MBOAT2: variants seen among roughly 807,000 people sequenced by gnomAD.
The protein encoded by MBOAT2 is membrane bound glycerophospholipid O-acyltransferase 2.
In MBOAT2, 28 loss-of-function variants were observed where a neutral mutation model predicts 63.4. The ratio of observed to expected loss-of-function variants is 0.44; its 90% CI spans 0.33 to 0.61. The LOEUF (loss-of-function observed/expected upper bound fraction) is 0.61, where lower values mean the gene tolerates loss of function less well. Among genes scored for constraint, MBOAT2 ranks in the 20% least tolerant of loss-of-function variants. The pLI, the probability that MBOAT2 is intolerant of heterozygous loss-of-function variation, is 0.03. For synonymous variants in MBOAT2, 211 were observed against 215.6 expected (o/e 0.98, Z 0.19); for missense variants, 470 against 605.8 (o/e 0.78, Z 2.35).
At chr2:8,986,535 G>T (rs1338656473) in intron 1 of MBOAT2, among the ~76,000 whole-genome samples, 1 of 151,940 alleles carries the variant, frequency 6.6e-6, no homozygotes, top group Non-Finnish European at 1.5e-5. Flanking sequence ...TGCACTCTAG[G>T]CTGGGGGAGA....
intron 1 of MBOAT2, among the ~76,000 whole-genome samples, chr2:8,989,600 C>T (rs1287923630): frequency 6.6e-6 from 1 of 152,110 alleles, no homozygotes; most frequent in Non-Finnish European, 1.5e-5. Flanking sequence ...GCCTAATGTA[C>T]AAATATGCAG....
chr2:8,877,340 T>C (rs1357314284), intron 6 of MBOAT2, 127 bp from the exon 7 acceptor site: 11 of 871,402 alleles, frequency 1.3e-5, no homozygotes, highest in African/African-American at 1.7e-5. Flanking sequence ...TTTGTACCCA[T>C]ACAATAAGAA....
rs574598266 is a variant in MBOAT2, at chr2:8,853,209, G to A, written c.*5470C>T. 89 of 152,104 alleles carry A rather than the reference G, an allele frequency of 5.9e-4. No individual in the cohort carries two copies. Among genetic ancestry groups the A allele is most frequent in the African/African-American group, 2.0e-3 (84 of 41,486 alleles). The allele number at this position is 152,104 out of a possible 1,614,324, so 9.4% of individuals were successfully genotyped here. A position where few individuals can be genotyped will look rare whatever the true frequency, so the allele number is the denominator to read the frequency against. On this transcript the variant is annotated 3_prime_UTR_variant, in exon 13 of 13. Transcript: ENST00000305997. ...ACTTTCATTCCTATGGCCTTCTATC[G>A]TGCCCCTTCTGGTTCAGAGGAGCAG...
intron 2 of MBOAT2, among the ~76,000 whole-genome samples, chr2:8,957,634 C>T (rs1178996791): frequency 6.6e-6 from 1 of 152,196 alleles, no homozygotes; most frequent in African/African-American, 2.4e-5. Flanking sequence ...CAAGTGAGTG[C>T]ATTTTCAACC....
intron 3 of MBOAT2, among the ~76,000 whole-genome samples, chr2:8,940,684 A>G (rs77581341): frequency 2.2e-5 from 3 of 133,342 alleles, no homozygotes; most frequent in South Asian, 2.7e-4. Context: ...GTGTGTATAC[A>G]TGTGTGTGTG....
intron 8 of MBOAT2, among the ~76,000 whole-genome samples, chr2:8,868,791 G>A (rs1662093423): frequency 6.6e-6 from 1 of 152,096 alleles, no homozygotes; most frequent in Admixed American, 6.5e-5. Context: ...AAAAGCTGCT[G>A]AGGACCAATA....
rs185812879 is a variant in MBOAT2 at position 8,951,587 on chromosome 2, C to A, written c.221+6910G>T. On this transcript the variant is annotated intron_variant, in intron 2 of 12. Transcript: ENST00000305997. ...CTTTTTTTGTGGTTGGTAGGTTTTT[C>A]ATTACAGGTTCGATTTTAGAACTCA... Among the ~76,000 whole-genome samples, 26 of 152,258 alleles carry A rather than the reference C, an allele frequency of 1.7e-4. 1 individual carries two copies. The East Asian group carries it at 4.6e-3, about 27-fold the overall frequency.
intron 3 of MBOAT2, among the ~76,000 whole-genome samples, chr2:8,932,374 T>C (rs941159551): frequency 4.6e-5 from 7 of 152,292 alleles, no homozygotes; most frequent in African/African-American, 1.7e-4. Flanking sequence ...TAAAATATTT[T>C]TAAAGACTCC....
intron 2 of MBOAT2, among the ~76,000 whole-genome samples, chr2:8,951,537 A>G (rs966080860): frequency 2.0e-5 from 3 of 152,140 alleles, no homozygotes; most frequent in African/African-American, 7.2e-5. Flanking sequence ...AATAGAAATC[A>G]GCTGTGAATC....
intron 3 of MBOAT2, among the ~76,000 whole-genome samples, chr2:8,925,428 T>G (rs1316242352): frequency 6.6e-6 from 1 of 152,214 alleles, no homozygotes; most frequent in African/African-American, 2.4e-5. Flanking sequence ...GTTCTTTACA[T>G]CCCATATTTT....
intron 6 of MBOAT2, among the ~76,000 whole-genome samples, chr2:8,878,410 C>T (rs1394665817): frequency 6.6e-6 from 1 of 152,198 alleles, no homozygotes; most frequent in East Asian, 1.9e-4. Context: ...AGCAGGCAGG[C>T]TTCTTGAACA....
chr2:8,945,134 G>C (rs756893627), intron 2 of MBOAT2, among the ~76,000 whole-genome samples: 10 of 152,136 alleles, frequency 6.6e-5, no homozygotes, highest in Non-Finnish European at 1.5e-4. Context: ...TCGCCATTCA[G>C]GTGATATGTT....
intron 12 of MBOAT2, 110 bp downstream of exon 12, chr2:8,860,503 C>G: frequency 9.2e-7 from 1 of 1,091,238 alleles, no homozygotes; most frequent in Non-Finnish European, 1.4e-6. Flanking sequence ...ATGCATTTAT[C>G]AGCAGGAAAT....
chr2:8,917,620 G>A (rs754395491), intron 3 of MBOAT2, among the ~76,000 whole-genome samples: 3 of 152,186 alleles, frequency 2.0e-5, no homozygotes, highest in Admixed American at 6.5e-5. Flanking sequence ...ACTGGCGCTC[G>A]CATACACTGC....
intron 12 of MBOAT2, 84 bp downstream of exon 12, chr2:8,860,529 T>C (rs1001146223): frequency 7.2e-6 from 10 of 1,385,082 alleles, no homozygotes; most frequent in Admixed American, 4.2e-5. Flanking sequence ...TATGGTACTG[T>C]TTTTCTATTC....
chr2:8,959,381 C>G (rs1461610165), intron 1 of MBOAT2, among the ~76,000 whole-genome samples: 4 of 152,064 alleles, frequency 2.6e-5, no homozygotes, highest in African/African-American at 9.7e-5. Flanking sequence ...CTGCTCTTTT[C>G]CCTCCAAATA....
At chr2:8,977,583 C>A in intron 1 of MBOAT2, among the ~76,000 whole-genome samples, 1 of 152,266 alleles carries the variant, frequency 6.6e-6, no homozygotes, top group East Asian at 1.9e-4. Context: ...GCAGAGCCCA[C>A]TCCCTAATGG....
At chr2:8,990,971 T>A (rs1048090468) in intron 1 of MBOAT2, among the ~76,000 whole-genome samples, 1 of 152,142 alleles carries the variant, frequency 6.6e-6, no homozygotes, top group Non-Finnish European at 1.5e-5. Context: ...AACAAACCTC[T>A]CCCCTGTCCT....
In MBOAT2 at chr2:9,003,432, G is replaced by A; in HGVS notation, c.75+108C>T. ...GGAGCGGCGGGTAGGGGGGCACCGG[G>A]CGCCCGGCCCCAGCCCCCACCCTCC... is the stretch of plus-strand genomic sequence containing the variant. On this transcript the variant is annotated intron_variant, in intron 1 of 12. Coordinates refer to ENST00000305997, the MANE Select transcript of MBOAT2 (RefSeq NM_138799.4). The surrounding 1 kb of genome is among the most constrained non-coding windows in gnomAD (Gnocchi z 5.4). The A allele has an allele frequency of 1.6e-6, 1 of 608,290 alleles. No individual in the cohort carries two copies. The highest frequency in any genetic ancestry group is 2.2e-6 in the Non-Finnish European group (1 of 449,780). The allele number at this position is 608,290 out of a possible 1,614,324, so 37.7% of individuals were successfully genotyped here. A position where few individuals can be genotyped will look rare whatever the true frequency, so the allele number is the denominator to read the frequency against.
Sources: gnomAD v4.1 joint callset for allele counts (sites outside exome capture counted in the v4.1 genomes callset) on GRCh38, gnomAD v4.1.1 for gene constraint, Gnocchi (gnomAD v3.1) non-coding constraint, MANE v1.5 for transcripts, NCBI Gene and HGNC (gene_info 2026-07-23, HGNC 2026-07-21) for gene names.